RBL1: variants seen among roughly 807,000 people sequenced by gnomAD.
The protein encoded by RBL1 is RB transcriptional corepressor like 1, also known as retinoblastoma-like protein 1.
Under a neutral mutation model 123.0 loss-of-function variants are expected in RBL1, and 82 were observed. The observed-to-expected ratio is 0.67, with a 90% CI of 0.56 to 0.80. The LOEUF (loss-of-function observed/expected upper bound fraction) is 0.80, where lower values mean the gene tolerates loss of function less well. RBL1 is among the 30% of genes least tolerant of loss of function. RBL1 has a pLI of 0.00. For missense variants in RBL1, 1,171 were observed against 1,299.6 expected, an observed-to-expected ratio of 0.90 and a Z score of 1.52; for synonymous variants, 405 against 441.3, an observed-to-expected ratio of 0.92 and a Z score of 1.03.
rs1387991989 is a variant in RBL1 at position 37,003,547 on chromosome 20, T to C, written c.3036+155A>G. ...GGATTAAACTACCTCAAACTGAATA[T>C]ACTGCTCTTGATGAGAGGAGACATG... On this transcript the variant is annotated intron_variant, in intron 21 of 21. Coordinates refer to ENST00000373664, the MANE Select transcript of RBL1 (RefSeq NM_002895.5). The C allele has an allele frequency of 4.0e-6, 5 of 1,261,318 alleles. No homozygotes were observed. The Admixed American group carries it at 1.4e-4, about 35-fold the overall frequency. 78.1% of individuals were successfully genotyped at this position (1,261,318 alleles called of 1,614,324 possible).
At chr20:37,000,265 C>T (rs1488780828) in intron 21 of RBL1, among the ~76,000 whole-genome samples, 104 of 149,944 alleles carry the variant, frequency 6.9e-4, no homozygotes, top group African/African-American at 2.4e-3. Context: ...GCAGCCACTC[C>T]GTCTGGGAAG....
chr20:37,040,679 T>A (rs2064708498), intron 13 of RBL1, among the ~76,000 whole-genome samples: 1 of 152,240 alleles, frequency 6.6e-6, no homozygotes, highest in Non-Finnish European at 1.5e-5. Context: ...AACTTTTTTT[T>A]ACTATTTTAT....
intron 14 of RBL1, among the ~76,000 whole-genome samples, chr20:37,037,990 T>C (rs1358680341): frequency 3.4e-5 from 1 of 29,514 alleles, no homozygotes; most frequent in Non-Finnish European, 6.4e-5. Flanking sequence ...CGGCCATTGT[T>C]TTTTTTTTTT....
At chr20:37,079,647 A>T (rs1287363281) in intron 2 of RBL1, among the ~76,000 whole-genome samples, 1 of 151,576 alleles carries the variant, frequency 6.6e-6, no homozygotes, top group African/African-American at 2.4e-5. Flanking sequence ...TCTTTGTAAA[A>T]TTTTTTTGTA....
chr20:37,030,737 C>T (rs552223577), intron 16 of RBL1, among the ~76,000 whole-genome samples: 15 of 152,102 alleles, frequency 9.9e-5, no homozygotes, highest in Middle Eastern at 3.4e-3. Context: ...TTCCTGTAGT[C>T]CCAGCTACTC....
chr20:37,004,011 TTA>T, intron 20 of RBL1, 145 bp from the exon 21 acceptor site: 1 of 618,610 alleles, frequency 1.6e-6, no homozygotes, highest in Non-Finnish European at 2.5e-6. Flanking sequence ...AAATGATCCT[TTA>T]CTTCTTCTTT....
intron 19 of RBL1, among the ~76,000 whole-genome samples, chr20:37,017,473 T>A (rs566420412): frequency 6.6e-6 from 1 of 151,962 alleles, no homozygotes; most frequent in South Asian, 2.1e-4. Context: ...AAGAGGTGTA[T>A]GAATACTAAC....
chr20:37,055,266 TGCTTTAACA>T (rs2064983168), intron 11 of RBL1, among the ~76,000 whole-genome samples: 1 of 145,708 alleles, frequency 6.9e-6, no homozygotes, highest in Non-Finnish European at 1.5e-5. Flanking sequence ...AATTAACAGT[TGCTTTAACA>T]GGTGGAGGGA....
chr20:37,090,127 T>C (rs181253576), intron 1 of RBL1, among the ~76,000 whole-genome samples: 5 of 152,326 alleles, frequency 3.3e-5, no homozygotes, highest in Admixed American at 3.3e-4. Flanking sequence ...ACTGTACCCC[T>C]TTTATGTTTA....
At chr20:37,021,332 T>C (rs1476934578) in intron 17 of RBL1, among the ~76,000 whole-genome samples, 1 of 152,252 alleles carries the variant, frequency 6.6e-6, no homozygotes, top group Non-Finnish European at 1.5e-5. Flanking sequence ...TCACTGTCCA[T>C]TAGTGCTAAA....
At chr20:37,000,753 C>A (rs2063960461) in intron 21 of RBL1, among the ~76,000 whole-genome samples, 1 of 139,382 alleles carries the variant, frequency 7.2e-6, no homozygotes, top group Admixed American at 6.9e-5. Flanking sequence ...GCCAGCCGCC[C>A]CGTCCAGGAG....
intron 2 of RBL1, among the ~76,000 whole-genome samples, chr20:37,086,526 G>A (rs1389373366): frequency 1.3e-5 from 2 of 151,752 alleles, no homozygotes; most frequent in East Asian, 3.9e-4. Context: ...GGCAACAAGA[G>A]CAAAACTCCG....
chr20:37,064,648 C>T (rs538876715), intron 7 of RBL1, among the ~76,000 whole-genome samples: 36 of 151,200 alleles, frequency 2.4e-4, no homozygotes, highest in African/African-American at 6.3e-4. Context: ...CTCGCTCTGT[C>T]GCCTAGGCTG....
chr20:37,076,535 C>T (rs758909904), intron 2 of RBL1, among the ~76,000 whole-genome samples: 1 of 152,206 alleles, frequency 6.6e-6, no homozygotes, highest in African/African-American at 2.4e-5. Flanking sequence ...ACGTCCCAAG[C>T]AGGATGGAGT....
chr20:37,056,118 T>C, intron 10 of RBL1, 28 bp downstream of exon 10: 6 of 1,591,582 alleles, frequency 3.8e-6, no homozygotes, highest in Non-Finnish European at 5.1e-6. Context: ...TTTTCAATGC[T>C]ATGCCAACTG....
At chr20:37,046,154 T>C (rs903216159) in intron 12 of RBL1, among the ~76,000 whole-genome samples, 4 of 152,214 alleles carry the variant, frequency 2.6e-5, no homozygotes, top group Admixed American at 2.6e-4. Context: ...GGAAGAAGCA[T>C]AATCTATTAT....
At chr20:37,007,109 C>T (rs1203718291) in intron 20 of RBL1, among the ~76,000 whole-genome samples, 7 of 151,842 alleles carry the variant, frequency 4.6e-5, no homozygotes, top group Non-Finnish European at 1.5e-5. Context: ...ATTAGCTAGG[C>T]GTGGGGGCAT....
intron 21 of RBL1, among the ~76,000 whole-genome samples, chr20:37,001,770 G>GGAAAAAAAAAAAAAAA: frequency 7.1e-6 from 1 of 141,144 alleles, no homozygotes; most frequent in Non-Finnish European, 1.5e-5. Context: ...GAAAAAAAAT[G>GGAAAAAAAAAAAAAAA]GAAAAAAAAA....
At position 37,018,385 on chromosome 20, in the gene RBL1, G is replaced by A; in HGVS notation, c.2632-16C>T. 1 of 1,592,718 alleles carries A rather than the reference G, an allele frequency of 6.3e-7. No individual in the cohort carries two copies. Among genetic ancestry groups the A allele is most frequent in the East Asian group, 2.3e-5 (1 of 44,082 alleles). ...TTCTATATACCTACATGCCAGAGGG[G>A]AAGAAAAGGACAGCTCAGTCACAGA... On this transcript the variant is annotated splice_polypyrimidine_tract_variant and intron_variant, in intron 18 of 21. Coordinates refer to ENST00000373664, the MANE Select transcript of RBL1 (RefSeq NM_002895.5).
Sources: allele counts gnomAD v4.1 joint callset (sites outside exome capture counted in the v4.1 genomes callset), GRCh38; gene constraint gnomAD v4.1.1; transcripts MANE v1.5; gene names NCBI Gene and HGNC (gene_info 2026-07-23, HGNC 2026-07-21).